LRRTM4: variants seen among roughly 807,000 people sequenced by gnomAD.
The protein encoded by LRRTM4 is leucine-rich repeat transmembrane neuronal protein 4.
A neutral mutation model predicts 47.6 loss-of-function variants in LRRTM4; 25 were observed. That is an observed-to-expected ratio of 0.53 (90% CI 0.38 to 0.73). The LOEUF is 0.73. Ranked by LOEUF, LRRTM4 falls within the 30% of genes least tolerant of loss-of-function variation. The pLI, the probability that LRRTM4 is intolerant of heterozygous loss-of-function variation, is 0.00. For missense variants in LRRTM4, 638 were observed against 713.4 expected, an observed-to-expected ratio of 0.89 and a Z score of 1.20; for synonymous variants, 311 against 269.5, an observed-to-expected ratio of 1.15 and a Z score of -1.51.
At chr2:77,279,472 T>C (rs893207889) in intron 3 of LRRTM4, among the ~76,000 whole-genome samples, 1 of 151,980 alleles carries the variant, frequency 6.6e-6, no homozygotes. Context: ...TTTCTTTCCA[T>C]TGTGGTATTC....
intron 3 of LRRTM4, among the ~76,000 whole-genome samples, chr2:76,803,881 T>A (rs2103784634): frequency 6.6e-6 from 1 of 152,272 alleles, no homozygotes; most frequent in African/African-American, 2.4e-5. Flanking sequence ...AAGTCTGAAA[T>A]TTGAATATGT....
chr2:76,814,222 A>G (rs1333473756), intron 3 of LRRTM4, among the ~76,000 whole-genome samples: 1 of 152,056 alleles, frequency 6.6e-6, no homozygotes, highest in African/African-American at 2.4e-5. Flanking sequence ...TGAAAAATAG[A>G]AAAAAGCTTA....
intron 3 of LRRTM4, among the ~76,000 whole-genome samples, chr2:76,814,708 G>A (rs1319141439): frequency 1.3e-5 from 2 of 151,558 alleles, no homozygotes; most frequent in African/African-American, 2.4e-5. Flanking sequence ...CTGAATTTTG[G>A]TATCCTCAGG....
At chr2:76,950,858 G>C (rs1023807395) in intron 3 of LRRTM4, among the ~76,000 whole-genome samples, 2 of 151,952 alleles carry the variant, frequency 1.3e-5, no homozygotes, top group African/African-American at 4.8e-5. Flanking sequence ...AAATGAACTA[G>C]AGTTTCCGAG....
At position 76,921,070 on chromosome 2, in the gene LRRTM4, T is replaced by C. The variant is rs1370017372; in HGVS notation, c.1552-172154A>G. Among the ~76,000 whole-genome samples the C allele has an allele frequency of 3.9e-5, 6 of 152,184 alleles. No individual in the cohort carries two copies. In the East Asian group the frequency reaches 1.2e-3, roughly 29 times the overall value. On this transcript the variant is annotated intron_variant, in intron 3 of 3. Transcript: ENST00000409884. ...ATTATGAACTTAACTTTACACTTTA[T>C]TCATTTCACTAGTTTTCACCTAATG...
At position 77,207,345 on chromosome 2, in the gene LRRTM4, A is replaced by ATG. The variant is rs199733072; in HGVS notation, c.1551+310971_1551+310972dup. 1.7e-3 allele frequency among the ~76,000 whole-genome samples: 172 copies of ATG among 101,816 alleles called. 1 individual carries two copies. The highest frequency in any genetic ancestry group is 2.0e-3 in the African/African-American group (56 of 28,462). The allele number at this position is 101,816 out of a possible 152,430, so 66.8% of individuals were successfully genotyped here. On this transcript the variant is annotated intron_variant, in intron 3 of 3. Coordinates refer to ENST00000409884, the MANE Select transcript of LRRTM4 (RefSeq NM_001134745.3). ...GTTTATGTTTTTCCTAATTTCATAT[A>ATG]TGTGTATATATATATATATATATAT...
At chr2:77,456,097 A>G (rs551779489) in intron 3 of LRRTM4, among the ~76,000 whole-genome samples, 8 of 152,148 alleles carry the variant, frequency 5.3e-5, no homozygotes, top group Non-Finnish European at 1.2e-4. Context: ...AACTAATTTT[A>G]CCCAGTCAGT....
intron 3 of LRRTM4, among the ~76,000 whole-genome samples, chr2:76,999,850 T>C (rs924732762): frequency 1.3e-5 from 2 of 152,160 alleles, no homozygotes; most frequent in African/African-American, 2.4e-5. Flanking sequence ...CAAACTTTTA[T>C]AAAACTGCTT....
At chr2:76,815,761 A>C (rs1172667440) in intron 3 of LRRTM4, among the ~76,000 whole-genome samples, 3 of 152,094 alleles carry the variant, frequency 2.0e-5, no homozygotes, top group African/African-American at 7.2e-5. Flanking sequence ...CATAAAGTAA[A>C]TATGTGTCAG....
At chr2:77,381,512 T>C (rs1673049762) in intron 3 of LRRTM4, among the ~76,000 whole-genome samples, 1 of 152,016 alleles carries the variant, frequency 6.6e-6, no homozygotes, top group Non-Finnish European at 1.5e-5. Context: ...GCAGAATTGG[T>C]CAATAACTAT....
intron 3 of LRRTM4, among the ~76,000 whole-genome samples, chr2:77,221,251 A>T (rs1453937512): frequency 6.6e-6 from 1 of 152,224 alleles, no homozygotes; most frequent in East Asian, 1.9e-4. Flanking sequence ...CTGCAAAAAC[A>T]TGCCAAATTG....
intron 3 of LRRTM4, among the ~76,000 whole-genome samples, chr2:77,261,571 AT>A (rs1054854350): frequency 1.3e-5 from 2 of 151,810 alleles, no homozygotes; most frequent in Admixed American, 6.6e-5. Flanking sequence ...AGTCTTTATT[AT>A]TTTTTTTAAT....
Position 77,518,339 on chromosome 2 carries a change from G to A in LRRTM4, c.1530C>T (p.Ile510=). The part of the protein sequence containing the change: ...VNGSGPCTYT[I]SGSRECEMPH... ...ATACCTCACATTCCCTGGAGCCAGAGATGGTATATGTGCAGGGCCCAGATC... is the reference window on the plus strand; with the variant it reads ...ATACCTCACATTCCCTGGAGCCAGAAATGGTATATGTGCAGGGCCCAGATC... Residue 510 remains isoleucine (I), a synonymous_variant, in exon 3 of 4, where the codon ATC becomes ATT. Coordinates refer to ENST00000409884, the MANE Select transcript of LRRTM4 (RefSeq NM_001134745.3). 1.2e-6 allele frequency: 2 copies of A among 1,609,210 alleles called. No individual in the cohort carries two copies. Among genetic ancestry groups the A allele is most frequent in the Non-Finnish European group, 1.7e-6 (2 of 1,177,622 alleles).
intron 3 of LRRTM4, among the ~76,000 whole-genome samples, chr2:77,209,991 C>T (rs1239012487): frequency 2.6e-5 from 4 of 152,194 alleles, no homozygotes; most frequent in Non-Finnish European, 1.5e-5. Context: ...AATTATAAAG[C>T]TCTCTGCCTA....
chr2:77,218,129 G>A (rs546480460), intron 3 of LRRTM4, among the ~76,000 whole-genome samples: 82 of 152,208 alleles, frequency 5.4e-4, no homozygotes, highest in African/African-American at 1.7e-3. Flanking sequence ...CCAGTAGCTG[G>A]GATTACAGGC....
intron 3 of LRRTM4, among the ~76,000 whole-genome samples, chr2:76,838,390 G>T (rs905789579): frequency 2.0e-5 from 3 of 152,004 alleles, no homozygotes; most frequent in Non-Finnish European, 4.4e-5. Flanking sequence ...TTAATGTGTA[G>T]CCCTAAATCA....
intron 3 of LRRTM4, among the ~76,000 whole-genome samples, chr2:77,392,231 C>T (rs2103816651): frequency 6.6e-6 from 1 of 152,142 alleles, no homozygotes; most frequent in African/African-American, 2.4e-5. Flanking sequence ...TTATTCCTTT[C>T]AACCAATTGC....
intron 3 of LRRTM4, among the ~76,000 whole-genome samples, chr2:77,395,220 C>T (rs1673657112): frequency 6.6e-6 from 1 of 151,886 alleles, no homozygotes; most frequent in Non-Finnish European, 1.5e-5. Flanking sequence ...CGTATCTGAC[C>T]TCTCATCCTG....
At chr2:77,175,508 T>C (rs866591840) in intron 3 of LRRTM4, among the ~76,000 whole-genome samples, 1 of 152,112 alleles carries the variant, frequency 6.6e-6, no homozygotes, top group African/African-American at 2.4e-5. Flanking sequence ...GGATTGATTG[T>C]ATCTTGAGTT....
Sources: allele counts gnomAD v4.1 joint callset (sites outside exome capture counted in the v4.1 genomes callset), GRCh38; gene constraint gnomAD v4.1.1; transcripts MANE v1.5; gene names NCBI Gene and HGNC (gene_info 2026-07-23, HGNC 2026-07-21).